The following CD163L1 variants were observed in gnomAD, a reference collection of about 807,000 sequenced individuals.
The protein encoded by CD163L1 is CD163 molecule like 1.
CD163L1 carries 124 observed loss-of-function variants against 165.4 expected under a neutral mutation model. The observed-to-expected ratio is 0.75, with a 90% CI of 0.65 to 0.87. CD163L1 has a LOEUF of 0.87. Ranked by LOEUF, CD163L1 falls within the 40% of genes least tolerant of loss-of-function variation. The pLI is 0.00. For synonymous variants in CD163L1, 585 were observed against 662.2 expected (o/e 0.88, Z 1.79); for missense variants, 1,525 against 1,799.9 (o/e 0.85, Z 2.76).
the CD163L1 span, among the ~76,000 whole-genome samples, chr12:7,319,605 A>AAG: frequency 6.6e-6 from 1 of 150,992 alleles, no homozygotes; most frequent in Non-Finnish European, 1.5e-5. Context: ...AAAAAAAAAA[A>AAG]GAAAAAAATA....
downstream of CD163L1, among the ~76,000 whole-genome samples, chr12:7,353,414 C>T (rs988108839): frequency 1.3e-5 from 2 of 150,990 alleles, no homozygotes; most frequent in Non-Finnish European, 3.0e-5. Context: ...ATTTGAAAAT[C>T]CAAATAATCC....
At position 7,368,031 on chromosome 12, in the gene CD163L1, G is replaced by A. The variant is rs1162458040; in HGVS notation, c.4183+56C>T. The A allele has an allele frequency of 4.1e-6, 4 of 983,466 alleles. No individual in the cohort carries two copies. Among genetic ancestry groups the A allele is most frequent in the Admixed American group, 1.8e-5 (1 of 56,848 alleles). 60.9% of individuals were successfully genotyped at this position (983,466 alleles called of 1,614,324 possible). A position where few individuals can be genotyped will look rare whatever the true frequency, so the allele number is the denominator to read the frequency against. Reference sequence around the variant, plus strand: ...CCATTCTGCAAGAATCCCCCATCCTGTGTGCCCTTGGTGGCAGGTAACTCA... The same window carrying A: ...CCATTCTGCAAGAATCCCCCATCCTATGTGCCCTTGGTGGCAGGTAACTCA... On this transcript the variant is annotated intron_variant, in intron 17 of 19. Transcript: ENST00000313599. This position sits in a 1 kb window ranked among gnomAD's most constrained non-coding sequence, Gnocchi z 4.3.
At position 7,406,584 on chromosome 12, in the gene CD163L1, TC is replaced by T. The variant is rs1419096221; in HGVS notation, c.1034del (p.Gly345GlufsTer15). The T allele has an allele frequency of 1.9e-6, 3 of 1,613,910 alleles. No individual in the cohort carries two copies. In the East Asian group the frequency reaches 6.7e-5, roughly 36 times the overall value. On this transcript the variant is annotated frameshift_variant, in exon 5 of 20. Coordinates refer to ENST00000313599, the MANE Select transcript of CD163L1 (RefSeq NM_174941.6). LOFTEE classifies it high-confidence loss of function. ...GATGAAGACAGTCAAAATTGACGGT[TC>T]CGGAATGTCTGCAGTCCCAAAGAAA... ...ESFLWDCRHSGTVNFDCLHQN... is the reference protein window; with the variant it reads ...ESFLWDCRHSXTVNFDCLHQN...
At chr12:7,421,640 C>CACATAT (rs1205862393) in intron 4 of CD163L1, among the ~76,000 whole-genome samples, 4 of 70,832 alleles carry the variant, frequency 5.6e-5, no homozygotes, top group South Asian at 5.2e-4. Flanking sequence ...CATATATGTA[C>CACATAT]ACATATACAT....
chr12:7,324,066 T>C, the CD163L1 span, among the ~76,000 whole-genome samples: 1 of 151,938 alleles, frequency 6.6e-6, no homozygotes, highest in Middle Eastern at 3.4e-3. Context: ...TGGTCCCAGC[T>C]ACTCAGGAGG....
At chr12:7,367,208 G>A in intron 18 of CD163L1, 28 bp downstream of exon 18, 2 of 1,409,072 alleles carry the variant, frequency 1.4e-6, no homozygotes, top group South Asian at 2.5e-5. Context: ...CCCTCTCCAT[G>A]GAGTGCGGCC....
Position 7,356,841 on chromosome 12 carries a change from C to T in CD163L1, c.*24+539G>A, listed in dbSNP as rs75445361. On this transcript the variant is annotated intron_variant, in intron 19 of 19. Transcript: ENST00000313599. ...GCCTCAATGCAACATTATTATATAA[C>T]GAGTGCTTGTTTTTCTAAACCTTTA... Among the ~76,000 whole-genome samples, 2,736 of 152,186 alleles carry T rather than the reference C, an allele frequency of 0.018. 253 individuals are homozygous for T. The East Asian group carries it at 0.28, about 16-fold the overall frequency.
At chr12:7,421,502 C>T (rs1362314108) in intron 4 of CD163L1, among the ~76,000 whole-genome samples, 3 of 72,520 alleles carry the variant, frequency 4.1e-5, no homozygotes, top group East Asian at 5.7e-4. Flanking sequence ...CATATATGTA[C>T]ATATACATAT....
chr12:7,351,090 T>A (rs1946703929), downstream of CD163L1, among the ~76,000 whole-genome samples: 1 of 152,152 alleles, frequency 6.6e-6, no homozygotes, highest in East Asian at 1.9e-4. Context: ...AATTGTCATG[T>A]CTCTTTATAA....
chr12:7,395,761 A>G (rs1002328549), intron 8 of CD163L1, among the ~76,000 whole-genome samples: 1 of 152,142 alleles, frequency 6.6e-6, no homozygotes, highest in African/African-American at 2.4e-5. Context: ...ACAAGGGTTT[A>G]TTTATTTAAA....
intron 18 of CD163L1, among the ~76,000 whole-genome samples, chr12:7,359,724 T>G (rs994092947): frequency 2.0e-5 from 3 of 152,090 alleles, no homozygotes; most frequent in Admixed American, 6.5e-5. Context: ...TTTAAAAAAT[T>G]TTTACTCTTA....
chr12:7,319,276 G>A, the CD163L1 span, among the ~76,000 whole-genome samples: 20 of 152,088 alleles, frequency 1.3e-4, no homozygotes, highest in African/African-American at 4.1e-4. Flanking sequence ...GACAGGAGGC[G>A]GAGCTCAGGT....
At chr12:7,323,571 AG>A in the CD163L1 span, 1 of 1,606,312 alleles carries the variant, frequency 6.2e-7, no homozygotes, top group African/African-American at 1.3e-5. Flanking sequence ...GTATGAGGAT[AG>A]AAAGTGCTGG....
At position 7,398,422 on chromosome 12, in the gene CD163L1, TGCAA is replaced by T; in HGVS notation, c.1567_1570del (p.Leu523MetfsTer5). 6.2e-7 allele frequency: 1 copy of T among 1,614,122 alleles called. No individual in the cohort carries two copies. The highest frequency in any genetic ancestry group is 8.5e-7 in the Non-Finnish European group (1 of 1,180,008). ...TTTAAAATAGGTCATACCAAACACA[TGCAA>T]AGGCTTTCCACATCCCAATTGTTTA... On this transcript the variant is annotated frameshift_variant, in exon 7 of 20. Transcript: ENST00000313599. LOFTEE classifies it high-confidence loss of function. This position sits in a 1 kb window ranked among gnomAD's most constrained non-coding sequence, Gnocchi z 4.5.
chr12:7,438,192 G>T (rs1948765073), intron 2 of CD163L1, among the ~76,000 whole-genome samples: 1 of 151,974 alleles, frequency 6.6e-6, no homozygotes, highest in Admixed American at 6.6e-5. Flanking sequence ...TCTTTAAAAT[G>T]ATTTCCTTAA....
At chr12:7,358,918 G>C (rs929842218) in intron 18 of CD163L1, among the ~76,000 whole-genome samples, 1 of 152,040 alleles carries the variant, frequency 6.6e-6, no homozygotes, top group African/African-American at 2.4e-5. Flanking sequence ...AATTAAAAAT[G>C]CAAGACATCA....
At chr12:7,336,849 GC>G in the CD163L1 span, among the ~76,000 whole-genome samples, 2 of 151,800 alleles carry the variant, frequency 1.3e-5, no homozygotes, top group Non-Finnish European at 2.9e-5. Flanking sequence ...CCAAAAGAGG[GC>G]CCGTATAGCC....
the CD163L1 span, chr12:7,326,967 C>T: frequency 6.3e-7 from 1 of 1,589,178 alleles, no homozygotes. Flanking sequence ...ATTAACTTTT[C>T]TGTTGCAGGT....
intron 4 of CD163L1, among the ~76,000 whole-genome samples, chr12:7,421,438 TACATATAC>T (rs1948391380): frequency 9.2e-6 from 1 of 108,122 alleles, no homozygotes; most frequent in Non-Finnish European, 1.7e-5. Context: ...TGTACATATA[TACATATAC>T]ATATATGTAC....
Sources: gnomAD v4.1 joint callset for allele counts (sites outside exome capture counted in the v4.1 genomes callset) on GRCh38, gnomAD v4.1.1 for gene constraint, Gnocchi (gnomAD v3.1) non-coding constraint, MANE v1.5 for transcripts, NCBI Gene and HGNC (gene_info 2026-07-23, HGNC 2026-07-21) for gene names.